DTD1: variants seen among roughly 807,000 people sequenced by gnomAD.
DTD1 encodes the protein D-tyrosyl-tRNA deacylase 1 homolog.
Under a neutral mutation model 25.6 loss-of-function variants are expected in DTD1, and 13 were observed. The observed-to-expected ratio is 0.51, with a 90% CI of 0.33 to 0.81. The LOEUF (loss-of-function observed/expected upper bound fraction) is 0.81, where lower values mean the gene tolerates loss of function less well. Among genes scored for constraint, DTD1 ranks in the 30% least tolerant of loss-of-function variants. The probability of loss-of-function intolerance (pLI) is 0.02; values close to 1 mark genes in which losing one functional copy is unlikely to be tolerated. For missense variants in DTD1, 193 were observed against 266.4 expected, an observed-to-expected ratio of 0.72 and a Z score of 1.92; for synonymous variants, 110 against 103.6, an observed-to-expected ratio of 1.06 and a Z score of -0.37.
At chr20:18,724,485 G>A (rs1462230472) in intron 4 of DTD1, among the ~76,000 whole-genome samples, 1 of 152,114 alleles carries the variant, frequency 6.6e-6, no homozygotes, top group African/African-American at 2.4e-5. Context: ...AATACTCATC[G>A]TTTTTTCAAA....
At chr20:18,660,272 T>C (rs533769518) in intron 4 of DTD1, among the ~76,000 whole-genome samples, 1 of 152,158 alleles carries the variant, frequency 6.6e-6, no homozygotes, top group South Asian at 2.1e-4. Context: ...CAGGCTGGAG[T>C]GTAGTGGTGT....
At chr20:18,668,508 G>A (rs138771107) in intron 4 of DTD1, among the ~76,000 whole-genome samples, 4 of 152,264 alleles carry the variant, frequency 2.6e-5, no homozygotes, top group African/African-American at 9.6e-5. Context: ...CAAGCAGTGG[G>A]ACGGTGGCAC....
intron 3 of DTD1, among the ~76,000 whole-genome samples, chr20:18,599,005 C>T (rs920543093): frequency 3.9e-5 from 6 of 151,992 alleles, no homozygotes; most frequent in Non-Finnish European, 7.4e-5. Context: ...ATGCATTTAA[C>T]GTTTCTCTTT....
chr20:18,714,410 T>G (rs2061171803), intron 4 of DTD1, among the ~76,000 whole-genome samples: 1 of 152,250 alleles, frequency 6.6e-6, no homozygotes, highest in South Asian at 2.1e-4. Flanking sequence ...TGATGATTTC[T>G]TGCTATGGGG....
chr20:18,716,461 G>T (rs1296458031), intron 4 of DTD1, among the ~76,000 whole-genome samples: 1 of 152,196 alleles, frequency 6.6e-6, no homozygotes. Context: ...TGGCTGCCGG[G>T]TCTCACGGGA....
At chr20:18,591,096 TC>T (rs1406100423) in intron 1 of DTD1, among the ~76,000 whole-genome samples, 2 of 152,174 alleles carry the variant, frequency 1.3e-5, no homozygotes, top group African/African-American at 4.8e-5. Flanking sequence ...AAGTGGTGAT[TC>T]TCAGATTTTT....
chr20:18,612,281 G>A (rs1447843523), intron 3 of DTD1, among the ~76,000 whole-genome samples: 3 of 151,914 alleles, frequency 2.0e-5, no homozygotes, highest in African/African-American at 4.8e-5. Context: ...TGATCCGCCC[G>A]CCTCGGCCTC....
intron 4 of DTD1, chr20:18,631,813 T>G: frequency 1.1e-6 from 1 of 945,356 alleles, no homozygotes; most frequent in African/African-American, 1.8e-5. Context: ...TGGAGAAAAA[T>G]TTTAGTCTTT....
intron 5 of DTD1, among the ~76,000 whole-genome samples, chr20:18,758,559 A>G (rs746822414): frequency 3.3e-5 from 5 of 152,180 alleles, no homozygotes; most frequent in Admixed American, 6.5e-5. Flanking sequence ...CAGGTTGTTC[A>G]GTTTCCATGT....
intron 4 of DTD1, among the ~76,000 whole-genome samples, chr20:18,689,957 GCGAGACC>G (rs2061037770): frequency 1.3e-5 from 2 of 151,270 alleles, no homozygotes; most frequent in African/African-American, 2.4e-5. Context: ...GGGCAACTTA[GCGAGACC>G]TTGTCTCTAC....
rs11467996 is a variant in DTD1 at position 18,748,174 on chromosome 20, T to TAC, written c.*19+3927_*19+3928dup. On this transcript the variant is annotated intron_variant, in intron 5 of 5. Coordinates refer to ENST00000377452, the MANE Select transcript of DTD1 (RefSeq NM_080820.6). ...ATCAAGCTAAACACACTGGCACGCATACACACACACACACACACACACACA... is the reference window on the plus strand; with the variant it reads ...ATCAAGCTAAACACACTGGCACGCATACACACACACACACACACACACACACA... Among the ~76,000 whole-genome samples the TAC allele has an allele frequency of 5.4e-3, 807 of 150,192 alleles. 8 individuals are homozygous for TAC. Among genetic ancestry groups the TAC allele is most frequent in the South Asian group, 0.025 (117 of 4,726 alleles).
chr20:18,676,400 A>T (rs1002470378), intron 4 of DTD1, among the ~76,000 whole-genome samples: 9 of 152,130 alleles, frequency 5.9e-5, no homozygotes, highest in Non-Finnish European at 8.8e-5. Flanking sequence ...TTGTTTTTTT[A>T]AAAAAGTCAG....
intron 4 of DTD1, among the ~76,000 whole-genome samples, chr20:18,649,005 A>AAAAG: frequency 6.6e-6 from 1 of 150,600 alleles, no homozygotes; most frequent in East Asian, 1.9e-4. Context: ...CAAAAAAAAA[A>AAAAG]AAAAAAAAAA....
intron 4 of DTD1, among the ~76,000 whole-genome samples, chr20:18,710,727 A>G (rs1048759214): frequency 1.1e-4 from 16 of 152,200 alleles, no homozygotes; most frequent in African/African-American, 3.4e-4. Flanking sequence ...CAGCCCTTAA[A>G]TGCAGGTGGC....
At chr20:18,707,757 G>A (rs564536757) in intron 4 of DTD1, among the ~76,000 whole-genome samples, 5 of 151,916 alleles carry the variant, frequency 3.3e-5, no homozygotes, top group East Asian at 1.9e-4. Flanking sequence ...ACACACACGC[G>A]CGCACACACA....
At chr20:18,591,398 A>G (rs1274034481) in intron 1 of DTD1, among the ~76,000 whole-genome samples, 2 of 152,238 alleles carry the variant, frequency 1.3e-5, no homozygotes, top group Non-Finnish European at 1.5e-5. Flanking sequence ...GAAAGAAGCC[A>G]TATGTCCAGC....
intron 3 of DTD1, among the ~76,000 whole-genome samples, chr20:18,621,409 C>T (rs2060733496): frequency 6.6e-6 from 1 of 152,140 alleles, no homozygotes; most frequent in African/African-American, 2.4e-5. Context: ...CTGTTTTCCA[C>T]TTTGTAATTG....
At chr20:18,642,008 G>T (rs4814769) in intron 4 of DTD1, among the ~76,000 whole-genome samples, 1 of 152,146 alleles carries the variant, frequency 6.6e-6, no homozygotes, top group Non-Finnish European at 1.5e-5. Flanking sequence ...TTTACATTTA[G>T]ATATTTGATC....
chr20:18,760,221 T>G (rs569574385), intron 5 of DTD1, among the ~76,000 whole-genome samples: 1 of 152,342 alleles, frequency 6.6e-6, no homozygotes, highest in South Asian at 2.1e-4. Flanking sequence ...ATCTGAAGCC[T>G]TCTTCTCTCA....
Sources: gnomAD v4.1 joint callset for allele counts (sites outside exome capture counted in the v4.1 genomes callset) on GRCh38, gnomAD v4.1.1 for gene constraint, MANE v1.5 for transcripts, NCBI Gene and HGNC (gene_info 2026-07-23, HGNC 2026-07-21) for gene names.